The following LAMA3 variants were observed in gnomAD, a reference collection of about 807,000 sequenced individuals.
LAMA3 encodes the protein laminin subunit alpha-3.
LAMA3 carries 281 observed loss-of-function variants against 402.0 expected under a neutral mutation model. The observed-to-expected ratio is 0.70, with a 90% CI of 0.63 to 0.77. The LOEUF (loss-of-function observed/expected upper bound fraction) is 0.77. Ranked by LOEUF, LAMA3 falls within the 30% of genes least tolerant of loss-of-function variation. The pLI is 0.00. For synonymous variants in LAMA3, 1,431 were observed against 1,558.4 expected, an observed-to-expected ratio of 0.92 and a Z score of 1.93; for missense variants, 3,840 against 4,215.5, an observed-to-expected ratio of 0.91 and a Z score of 2.47.
At chr18:23,917,069 G>A (rs953596387) in intron 60 of LAMA3, among the ~76,000 whole-genome samples, 8 of 151,888 alleles carry the variant, frequency 5.3e-5, no homozygotes, top group East Asian at 3.9e-4. Flanking sequence ...CCTTCTTTGC[G>A]TCCATGTGTA....
intron 37 of LAMA3, among the ~76,000 whole-genome samples, chr18:23,869,124 T>C (rs1054067375): frequency 6.6e-6 from 1 of 152,096 alleles, no homozygotes; most frequent in East Asian, 1.9e-4. Context: ...ATAAAAGCAA[T>C]GAGAGAACTG....
At chr18:23,864,283 G>A (rs1482527553) in intron 35 of LAMA3, among the ~76,000 whole-genome samples, 1 of 150,336 alleles carries the variant, frequency 6.7e-6, no homozygotes, top group African/African-American at 2.5e-5. Context: ...CTGCACTGCA[G>A]TGGTACAATA....
chr18:23,700,575 T>C (rs2060773451), intron 1 of LAMA3, among the ~76,000 whole-genome samples: 1 of 152,246 alleles, frequency 6.6e-6, no homozygotes, highest in Non-Finnish European at 1.5e-5. Flanking sequence ...ATTTAACTTT[T>C]ATGAGACTTG....
At chr18:23,698,522 C>G (rs2060729574) in intron 1 of LAMA3, among the ~76,000 whole-genome samples, 1 of 152,180 alleles carries the variant, frequency 6.6e-6, no homozygotes, top group African/African-American at 2.4e-5. Flanking sequence ...TTTTTTATCT[C>G]TTGCCTGCAC....
At chr18:23,733,254 T>C (rs553215974) in intron 2 of LAMA3, among the ~76,000 whole-genome samples, 2 of 152,310 alleles carry the variant, frequency 1.3e-5, no homozygotes, top group South Asian at 4.1e-4. Flanking sequence ...TGGAATATTT[T>C]AGGAAGTGTA....
At chr18:23,949,527 A>G (rs1239983421) in intron 70 of LAMA3, among the ~76,000 whole-genome samples, 1 of 152,156 alleles carries the variant, frequency 6.6e-6, no homozygotes, top group Non-Finnish European at 1.5e-5. Context: ...TGGCACCTGC[A>G]ATCTTCGACC....
intron 38 of LAMA3, 100 bp downstream of exon 38, chr18:23,871,761 T>C: frequency 1.1e-6 from 1 of 902,918 alleles, no homozygotes; most frequent in Non-Finnish European, 1.8e-6. Flanking sequence ...CCTCTGTCTA[T>C]TGTTTCTCTG....
intron 32 of LAMA3, among the ~76,000 whole-genome samples, chr18:23,851,036 A>G (rs905417396): frequency 2.6e-5 from 4 of 152,222 alleles, no homozygotes; most frequent in Admixed American, 1.3e-4. Flanking sequence ...CTTTGTGTTA[A>G]ATGGAGAAAT....
At chr18:23,875,484 G>GC (rs2064678227) in intron 38 of LAMA3, among the ~76,000 whole-genome samples, 1 of 152,304 alleles carries the variant, frequency 6.6e-6, no homozygotes, top group South Asian at 2.1e-4. Context: ...CTCAGGCTGA[G>GC]CCTCTGTGTG....
chr18:23,884,894 C>A (rs371115852), intron 41 of LAMA3, 41 bp downstream of exon 41: 78 of 1,498,238 alleles, frequency 5.2e-5, no homozygotes, highest in Non-Finnish European at 7.1e-5. Flanking sequence ...GCAGAGGGGG[C>A]GGGGAGGGCT....
At chr18:23,723,758 T>C (rs2061251896) in intron 2 of LAMA3, among the ~76,000 whole-genome samples, 2 of 152,258 alleles carry the variant, frequency 1.3e-5, no homozygotes, top group South Asian at 4.2e-4. Context: ...GGGATAAATC[T>C]AGTACCAACC....
rs7232856 is a variant in LAMA3, at chr18:23,763,390, A to G, written c.1064-15A>G. ...GTAATAATGAGAATATTGACTTATTATGCTTTTTTTTCAGCATGCAACTGC... is the reference window on the plus strand; with the variant it reads ...GTAATAATGAGAATATTGACTTATTGTGCTTTTTTTTCAGCATGCAACTGC... On this transcript the variant is annotated splice_polypyrimidine_tract_variant and intron_variant, in intron 7 of 74. Coordinates refer to ENST00000313654, the MANE Select transcript of LAMA3 (RefSeq NM_198129.4). 0.12 allele frequency: 177,414 copies of G among 1,479,900 alleles called. 17,817 individuals are homozygous for G. Among genetic ancestry groups the G allele is most frequent in the East Asian group, 0.58 (25,445 of 44,196 alleles). The allele number at this position is 1,479,900 out of a possible 1,614,324, so 91.7% of individuals were successfully genotyped here.
In LAMA3 at chr18:23,928,736, A is replaced by C. The variant is rs780224848; in HGVS notation, c.8407A>C (p.Ser2803Arg). 1.3e-5 allele frequency: 21 copies of C among 1,613,944 alleles called. No homozygotes were observed. The South Asian group carries it at 2.1e-4, about 16-fold the overall frequency. The change falls in exon 64 of 75, where the codon AGT becomes CGT. Residue 2803 changes from serine (S) to arginine (R), a missense_variant. Coordinates refer to ENST00000313654, the MANE Select transcript of LAMA3 (RefSeq NM_198129.4). Reference protein sequence around the residue: ...ASFGFQTFQPSGILLDHQTWT... With the variant: ...ASFGFQTFQPRGILLDHQTWT... Reference sequence around the variant, plus strand: ...ATTTGGATTTCAGACCTTTCAACCCAGTGGCATATTATTAGATCATCAGAC... The same window carrying C: ...ATTTGGATTTCAGACCTTTCAACCCCGTGGCATATTATTAGATCATCAGAC...
In LAMA3 at chr18:23,826,721, C is replaced by G; in HGVS notation, c.2591C>G (p.Pro864Arg). 6.4e-7 allele frequency: 1 copy of G among 1,561,532 alleles called. No individual in the cohort carries two copies. The highest frequency in any genetic ancestry group is 1.3e-5 in the African/African-American group (1 of 74,142). Reference sequence around the variant, plus strand: ...TTCTAGGATTACCTGGTGCTGCTCCCCAGGGACTACTATGAAGCCTCTGTA... The same window carrying G: ...TTCTAGGATTACCTGGTGCTGCTCCGCAGGGACTACTATGAAGCCTCTGTA... ...GVLLDYLVLL[P>R]RDYYEASVLQ... is the part of the protein sequence containing the mutation. Residue 864 changes from proline to arginine, a missense_variant, in exon 22 of 75, where the codon CCC becomes CGC. Pro to Arg is a moderately radical substitution (Grantham distance 103). Transcript: ENST00000313654.
intron 23 of LAMA3, among the ~76,000 whole-genome samples, chr18:23,833,547 G>T (rs2063525345): frequency 1.3e-5 from 2 of 152,186 alleles, no homozygotes; most frequent in African/African-American, 4.8e-5. Context: ...GTTTCTCTAA[G>T]TAGGGCTGCC....
At chr18:23,873,100 G>C (rs764262936) in intron 38 of LAMA3, 2 of 1,614,158 alleles carry the variant, frequency 1.2e-6, no homozygotes, top group Non-Finnish European at 8.5e-7. Context: ...TGGATCTTTG[G>C]GGCAGCCCTG....
intron 44 of LAMA3, among the ~76,000 whole-genome samples, chr18:23,896,138 C>A (rs1308450448): frequency 6.6e-6 from 1 of 152,038 alleles, no homozygotes; most frequent in Non-Finnish European, 1.5e-5. Context: ...GACTTGGAGA[C>A]CAGCCTGGCC....
In LAMA3 at chr18:23,951,826, T is replaced by A. The variant is rs375728543; in HGVS notation, c.9736+49T>A. The A allele has an allele frequency of 9.7e-5, 139 of 1,434,374 alleles. No homozygotes were observed. In the East Asian group the frequency reaches 2.5e-3, roughly 25 times the overall value. 88.9% of individuals were successfully genotyped at this position (1,434,374 alleles called of 1,614,324 possible). A position where few individuals can be genotyped will look rare whatever the true frequency, so the allele number is the denominator to read the frequency against. On this transcript the variant is annotated intron_variant, in intron 73 of 74. Transcript: ENST00000313654. ...TTCATGCACTAAAACAGGCCCCCTT[T>A]CCATTTTGACTTGAACATCCCAAAG...
chr18:23,716,071 A>C (rs979168082), intron 2 of LAMA3, among the ~76,000 whole-genome samples: 1 of 152,204 alleles, frequency 6.6e-6, no homozygotes, highest in Non-Finnish European at 1.5e-5. Context: ...CCTCCTTTCA[A>C]CTATAAGTTA....
Sources: gnomAD v4.1 joint callset for allele counts (sites outside exome capture counted in the v4.1 genomes callset) on GRCh38, gnomAD v4.1.1 for gene constraint, MANE v1.5 for transcripts, NCBI Gene and HGNC (gene_info 2026-07-23, HGNC 2026-07-21) for gene names.